SMIM36: variants seen among roughly 807,000 people sequenced by gnomAD.
SMIM36 encodes the protein small integral membrane protein 36.
chr17:55,500,319 C>CT (rs2144715374), intron 1 of SMIM36, among the ~76,000 whole-genome samples: 1 of 152,100 alleles, frequency 6.6e-6, no homozygotes, highest in South Asian at 2.1e-4. Context: ...GAGACGGGCT[C>CT]TTGCTATGTT....
intron 1 of SMIM36, among the ~76,000 whole-genome samples, chr17:55,487,609 T>G (rs1482986991): frequency 6.6e-6 from 1 of 151,944 alleles, no homozygotes; most frequent in Non-Finnish European, 1.5e-5. Context: ...TAGCAACAAA[T>G]GAAGCTTGAA....
intron 1 of SMIM36, among the ~76,000 whole-genome samples, chr17:55,480,609 G>C (rs543808789): frequency 6.6e-6 from 1 of 152,156 alleles, no homozygotes; most frequent in Non-Finnish European, 1.5e-5. Context: ...AATGTAGTGC[G>C]GAAGTGCAGG....
chr17:55,500,490 T>C (rs547691475), intron 1 of SMIM36, among the ~76,000 whole-genome samples: 1 of 151,982 alleles, frequency 6.6e-6, no homozygotes, highest in South Asian at 2.1e-4. Context: ...AAAGATTGTT[T>C]TAAAGACTGA....
At chr17:55,515,039 T>C (rs1326972608), upstream of SMIM36, among the ~76,000 whole-genome samples, 1 of 142,508 alleles carries the variant, frequency 7.0e-6, no homozygotes, top group Non-Finnish European at 1.5e-5. Context: ...AGATAGTAAA[T>C]GACAGAAGCA....
intron 4 of SMIM36, among the ~76,000 whole-genome samples, chr17:55,455,122 G>C (rs1430348030): frequency 1.3e-5 from 2 of 152,150 alleles, no homozygotes; most frequent in African/African-American, 4.8e-5. Flanking sequence ...CTCTGGAGAG[G>C]TTGTACTGAT....
the SMIM36 span, among the ~76,000 whole-genome samples, chr17:55,518,812 A>C: frequency 6.6e-6 from 1 of 151,526 alleles, no homozygotes; most frequent in South Asian, 2.1e-4. Flanking sequence ...AAGTTGTATG[A>C]GAGAGAAAAG....
At chr17:55,501,047 TAATA>T (rs1302526806) in intron 1 of SMIM36, among the ~76,000 whole-genome samples, 4 of 43,120 alleles carry the variant, frequency 9.3e-5, no homozygotes, top group South Asian at 7.6e-4. Context: ...TTATATATTA[TAATA>T]TATAATATAT....
At chr17:55,522,182 T>G in the SMIM36 span, among the ~76,000 whole-genome samples, 1 of 152,218 alleles carries the variant, frequency 6.6e-6, no homozygotes, top group Admixed American at 6.5e-5. Flanking sequence ...TTGGACACTC[T>G]AAGCCACTAC....
At chr17:55,517,761 T>C in the SMIM36 span, among the ~76,000 whole-genome samples, 1 of 152,188 alleles carries the variant, frequency 6.6e-6, no homozygotes, top group Admixed American at 6.5e-5. Context: ...CAGCTGGATA[T>C]TTGAGTTCAG....
At chr17:55,520,646 C>T in the SMIM36 span, among the ~76,000 whole-genome samples, 1 of 152,076 alleles carries the variant, frequency 6.6e-6, no homozygotes, top group Non-Finnish European at 1.5e-5. Flanking sequence ...CGGAGTGGGA[C>T]GGCATGAGAT....
intron 2 of SMIM36, 23 bp from the exon 3 acceptor site, chr17:55,478,836 T>G (rs767190026): frequency 1.3e-5 from 2 of 152,118 alleles, no homozygotes; most frequent in Non-Finnish European, 2.9e-5. Context: ...AAAAAAACAC[T>G]GGGTTAAATG....
At chr17:55,498,999 C>CA (rs60117513) in intron 1 of SMIM36, among the ~76,000 whole-genome samples, 2,308 of 66,926 alleles carry the variant, frequency 0.034, 170 homozygotes, top group African/African-American at 0.09. Flanking sequence ...ACTCTGTCAC[C>CA]AAAAAAAAAA....
chr17:55,463,522 C>A (rs1337590470), intron 4 of SMIM36, among the ~76,000 whole-genome samples: 1 of 152,138 alleles, frequency 6.6e-6, no homozygotes, highest in African/African-American at 2.4e-5. Flanking sequence ...TGCATTCCTG[C>A]CTGGGTGACA....
chr17:55,492,019 C>A (rs566363561), intron 1 of SMIM36, among the ~76,000 whole-genome samples: 21 of 151,676 alleles, frequency 1.4e-4, no homozygotes, highest in Admixed American at 1.2e-3. Context: ...ATTAGCTGGG[C>A]GTGGTGGCAG....
chr17:55,488,001 C>T (rs545798617), intron 1 of SMIM36, among the ~76,000 whole-genome samples: 2 of 152,204 alleles, frequency 1.3e-5, no homozygotes, highest in Admixed American at 6.5e-5. Context: ...CAGTAAGAGG[C>T]GAGGTGAGTA....
intron 1 of SMIM36, among the ~76,000 whole-genome samples, chr17:55,480,082 C>T (rs1909494193): frequency 6.6e-6 from 1 of 152,048 alleles, no homozygotes; most frequent in African/African-American, 2.4e-5. Context: ...CCGCCACTTC[C>T]AGTTCAGCAC....
the SMIM36 span, chr17:55,527,190 T>A: frequency 3.3e-5 from 5 of 152,268 alleles, no homozygotes; most frequent in African/African-American, 2.4e-5. Context: ...ACTGCTAGAA[T>A]GTGAGAAAAA....
chr17:55,497,808 C>A lies in SMIM36; in HGVS notation c.*174+13071G>T, dbSNP rs183825599. Among the ~76,000 whole-genome samples, 311 of 152,252 alleles carry A rather than the reference C, an allele frequency of 2.0e-3. 5 individuals are homozygous for A. The highest frequency in any genetic ancestry group is 2.8e-4 in the Non-Finnish European group (19 of 68,020). ...TTAAGTTTGGCCTTCAAGTTTCTCC[C>A]CCAGACTCTAACTCAGCATAATGTC... On this transcript the variant is annotated intron_variant, in intron 1 of 4. Coordinates refer to ENST00000636752, the Ensembl canonical transcript of SMIM36.
the SMIM36 span, among the ~76,000 whole-genome samples, chr17:55,521,008 C>T: frequency 3.3e-5 from 5 of 152,064 alleles, no homozygotes; most frequent in Non-Finnish European, 7.4e-5. Flanking sequence ...CTTGTGGTCT[C>T]AGCCACTGGG....
Sources: allele counts gnomAD v4.1 joint callset (sites outside exome capture counted in the v4.1 genomes callset), GRCh38; gene constraint gnomAD v4.1.1; transcripts MANE v1.5; gene names NCBI Gene and HGNC (gene_info 2026-07-23, HGNC 2026-07-21).